Variants in LINGO2 observed in about 807,000 individuals in gnomAD.
The protein encoded by LINGO2 is leucine-rich repeat and immunoglobulin-like domain-containing nogo receptor-interacting protein 2.
In LINGO2, 14 loss-of-function variants were observed where a neutral mutation model predicts 30.6. The ratio of observed to expected loss-of-function variants is 0.46; its 90% CI spans 0.30 to 0.72. The LOEUF is 0.72. Among genes scored for constraint, LINGO2 ranks in the 30% least tolerant of loss-of-function variants. The pLI is 0.07. For synonymous variants in LINGO2, 317 were observed against 288.5 expected (o/e 1.10, Z -1.00); for missense variants, 729 against 751.7 (o/e 0.97, Z 0.35).
At chr9:28,213,094 G>T (rs1054163502) in intron 4 of LINGO2, among the ~76,000 whole-genome samples, 2 of 151,442 alleles carry the variant, frequency 1.3e-5, no homozygotes, top group African/African-American at 4.8e-5. Flanking sequence ...AATGACATTT[G>T]TAAGCAAAGC....
At chr9:29,061,155 T>C in the LINGO2 span, among the ~76,000 whole-genome samples, 1 of 151,964 alleles carries the variant, frequency 6.6e-6, no homozygotes, top group Non-Finnish European at 1.5e-5. Flanking sequence ...TATCACTGAA[T>C]ACTGCTCAAC....
chr9:29,179,158 AATATATATATATATATATATATATAT>A, the LINGO2 span, among the ~76,000 whole-genome samples: 34 of 101,644 alleles, frequency 3.3e-4, no homozygotes, highest in African/African-American at 1.1e-3. Context: ...TCTTACTGTA[AATATATATATATATATATATATATAT>A]ATATATATAT....
At position 28,040,903 on chromosome 9, in the gene LINGO2, G is replaced by A. The variant is rs935170188; in HGVS notation, c.-86-28498C>T. ...TATTATATCAGGCACTGAGCTAGAT[G>A]CTATAGAGGTAGAGGAATTGACCTA... On this transcript the variant is annotated intron_variant, in intron 4 of 5. Transcript: ENST00000379992. Among the ~76,000 whole-genome samples, 4 of 152,272 alleles carry A rather than the reference G, an allele frequency of 2.6e-5. No homozygotes were observed. In the East Asian group the frequency reaches 7.7e-4, roughly 29 times the overall value.
intron 4 of LINGO2, among the ~76,000 whole-genome samples, chr9:28,238,612 C>G (rs530277927): frequency 3.9e-5 from 6 of 152,042 alleles, no homozygotes; most frequent in African/African-American, 1.4e-4. Context: ...AATGGAAACA[C>G]AACATGCCAA....
intron 4 of LINGO2, among the ~76,000 whole-genome samples, chr9:28,018,718 A>G (rs1178639202): frequency 6.6e-6 from 1 of 152,162 alleles, no homozygotes; most frequent in Non-Finnish European, 1.5e-5. Flanking sequence ...GGTTGAAGAG[A>G]AAAGGGGGCA....
the LINGO2 span, among the ~76,000 whole-genome samples, chr9:29,086,005 C>A: frequency 2.0e-5 from 3 of 151,972 alleles, no homozygotes; most frequent in Admixed American, 6.6e-5. Context: ...GCTTGTTTTT[C>A]TGGAAGATAT....
chr9:28,173,789 T>A (rs1397197622), intron 4 of LINGO2, among the ~76,000 whole-genome samples: 1 of 152,232 alleles, frequency 6.6e-6, no homozygotes, highest in Non-Finnish European at 1.5e-5. Flanking sequence ...AAGAGACTGA[T>A]ATGTACTGTG....
At chr9:28,965,428 A>G in the LINGO2 span, among the ~76,000 whole-genome samples, 9 of 152,134 alleles carry the variant, frequency 5.9e-5, no homozygotes, top group South Asian at 8.3e-4. Flanking sequence ...GCACAAGAAA[A>G]CATTCATTCC....
intron 4 of LINGO2, among the ~76,000 whole-genome samples, chr9:28,031,415 A>C (rs1210503885): frequency 6.6e-6 from 1 of 151,214 alleles, no homozygotes; most frequent in Admixed American, 6.6e-5. Context: ...TTTATGGGTT[A>C]CAATATGTTT....
intron 5 of LINGO2, among the ~76,000 whole-genome samples, chr9:27,955,298 G>A (rs1402212761): frequency 6.6e-6 from 1 of 152,164 alleles, no homozygotes; most frequent in Non-Finnish European, 1.5e-5. Flanking sequence ...AGTAAAGATT[G>A]TGATCATTAT....
In LINGO2 at chr9:28,157,574, C is replaced by T. The variant is rs957420527; in HGVS notation, c.-87+137634G>A. On this transcript the variant is annotated intron_variant, in intron 4 of 5. Coordinates refer to ENST00000379992, the Ensembl canonical transcript of LINGO2. ...TACTTATGCAGATTTCTGCAGCTGG[C>T]TTGAATTTCTCCTCAGAAAATGATT... 2.6e-5 allele frequency among the ~76,000 whole-genome samples: 4 copies of T among 152,178 alleles called. No homozygotes were observed. In the South Asian group the frequency reaches 8.3e-4, roughly 32 times the overall value.
chr9:28,125,610 C>T (rs1827214801), intron 4 of LINGO2, among the ~76,000 whole-genome samples: 1 of 152,048 alleles, frequency 6.6e-6, no homozygotes, highest in Admixed American at 6.6e-5. Flanking sequence ...AGAGTCTCAT[C>T]CCTGGAATAG....
At chr9:29,208,006 A>G in the LINGO2 span, among the ~76,000 whole-genome samples, 3 of 152,186 alleles carry the variant, frequency 2.0e-5, no homozygotes, top group Admixed American at 1.3e-4. Context: ...ATTAAAGCCA[A>G]TAAAATAAAA....
chr9:28,802,719 G>C, the LINGO2 span, among the ~76,000 whole-genome samples: 1 of 151,956 alleles, frequency 6.6e-6, no homozygotes, highest in Non-Finnish European at 1.5e-5. Flanking sequence ...AGATTTTAAA[G>C]TCCATTCATA....
intron 4 of LINGO2, among the ~76,000 whole-genome samples, chr9:28,047,680 A>C (rs1824486431): frequency 6.6e-6 from 1 of 150,814 alleles, no homozygotes. Context: ...TCTATGAATA[A>C]CCTGAGATAA....
rs184944802 is a variant in LINGO2 at position 28,497,154 on chromosome 9, G to A, written c.-364-21129C>T. The stretch of plus-strand genomic sequence containing the variant: ...TATGTTTCTTAGAGTTGCTCTTCTC[G>A]AGAAGTATCTCTGTGGCATTCTCTG... On this transcript the variant is annotated intron_variant, in intron 1 of 5. Coordinates refer to ENST00000379992, the Ensembl canonical transcript of LINGO2. Among the ~76,000 whole-genome samples, 444 of 152,124 alleles carry A rather than the reference G, an allele frequency of 2.9e-3. 4 individuals are homozygous for A. Among genetic ancestry groups the A allele is most frequent in the African/African-American group, 9.9e-3 (411 of 41,506 alleles).
the LINGO2 span, among the ~76,000 whole-genome samples, chr9:28,790,541 A>G: frequency 5.2e-4 from 78 of 151,022 alleles, no homozygotes; most frequent in African/African-American, 1.9e-3. Flanking sequence ...TCACCGTGTT[A>G]GCCAGGATGG....
intron 1 of LINGO2, among the ~76,000 whole-genome samples, chr9:28,632,879 T>TAGAGAGA (rs1563879215): frequency 4.7e-4 from 38 of 80,836 alleles, no homozygotes; most frequent in African/African-American, 2.0e-3. Flanking sequence ...TATATATATA[T>TAGAGAGA]GTAGAGAGAG....
In LINGO2 at chr9:28,393,604, C is replaced by T. The variant is rs147874617; in HGVS notation, c.-278-20736G>A. ...TAAACATTTATCCTTAAGATGGAGA[C>T]GAGGGATGGGTAACAAGAGGTAGAT... On this transcript the variant is annotated intron_variant, in intron 2 of 5. Coordinates refer to ENST00000379992, the Ensembl canonical transcript of LINGO2. 7.2e-5 allele frequency among the ~76,000 whole-genome samples: 11 copies of T among 152,098 alleles called. No individual in the cohort carries two copies. The East Asian group carries it at 1.5e-3, about 21-fold the overall frequency.
Sources: gnomAD v4.1 joint callset for allele counts (sites outside exome capture counted in the v4.1 genomes callset) on GRCh38, gnomAD v4.1.1 for gene constraint, MANE v1.5 for transcripts, NCBI Gene and HGNC (gene_info 2026-07-23, HGNC 2026-07-21) for gene names.